MAD1L1: variants seen among roughly 807,000 people sequenced by gnomAD.
The protein encoded by MAD1L1 is mitotic arrest deficient 1 like 1, also known as mitotic spindle assembly checkpoint protein MAD1.
A neutral mutation model predicts 96.9 loss-of-function variants in MAD1L1; 95 were observed. The observed-to-expected ratio is 0.98, with a 90% CI of 0.83 to 1.16. The LOEUF (loss-of-function observed/expected upper bound fraction) is 1.16. Among genes scored for constraint, MAD1L1 ranks in the 50% most tolerant of loss-of-function variants. MAD1L1 has a pLI of 0.00. For missense variants in MAD1L1, 1,007 were observed against 954.4 expected, an observed-to-expected ratio of 1.06 and a Z score of -0.73; for synonymous variants, 473 against 396.6, an observed-to-expected ratio of 1.19 and a Z score of -2.29.
intron 12 of MAD1L1, among the ~76,000 whole-genome samples, chr7:2,030,522 C>A (rs886985533): frequency 6.6e-6 from 1 of 152,194 alleles, no homozygotes; most frequent in Non-Finnish European, 1.5e-5. Flanking sequence ...TACACGCGGG[C>A]CCCTGAACAG....
At chr7:2,120,953 C>T (rs1349710245) in intron 11 of MAD1L1, among the ~76,000 whole-genome samples, 1 of 152,120 alleles carries the variant, frequency 6.6e-6, no homozygotes, top group South Asian at 2.1e-4. Context: ...GCAGACCTGA[C>T]GTGGGGAGGC....
At chr7:2,066,813 G>C (rs140190473) in intron 12 of MAD1L1, among the ~76,000 whole-genome samples, 110 of 152,372 alleles carry the variant, frequency 7.2e-4, no homozygotes, top group African/African-American at 2.5e-3. Flanking sequence ...AGCAGCACCA[G>C]TGTCGCGTGG....
At chr7:2,160,329 A>T (rs112860666) in intron 10 of MAD1L1, among the ~76,000 whole-genome samples, 4,716 of 109,748 alleles carry the variant, frequency 0.043, 237 homozygotes, top group Middle Eastern at 0.1. Flanking sequence ...ACTGGATCCT[A>T]TTTTTTTTTT....
chr7:2,023,072 T>A (rs1267595416), intron 12 of MAD1L1, among the ~76,000 whole-genome samples: 3 of 152,164 alleles, frequency 2.0e-5, no homozygotes, highest in Non-Finnish European at 4.4e-5. Flanking sequence ...GAGAAATGGC[T>A]CAATTCACTG....
chr7:2,060,469 C>T (rs114525307), intron 12 of MAD1L1, among the ~76,000 whole-genome samples: 93 of 152,092 alleles, frequency 6.1e-4, no homozygotes, highest in African/African-American at 2.0e-3. Flanking sequence ...ACGCTGATGT[C>T]GAGATATGCC....
At chr7:1,931,466 C>A (rs1789473558) in intron 17 of MAD1L1, among the ~76,000 whole-genome samples, 1 of 152,376 alleles carries the variant, frequency 6.6e-6, no homozygotes, top group South Asian at 2.1e-4. Flanking sequence ...GAACAGCGGT[C>A]TCCACACTTC....
At chr7:1,976,045 G>A (rs1011628986) in intron 15 of MAD1L1, among the ~76,000 whole-genome samples, 6 of 152,210 alleles carry the variant, frequency 3.9e-5, no homozygotes, top group African/African-American at 7.2e-5. Context: ...AATCCCCACC[G>A]ACGCTCTCTC....
chr7:2,231,488 T>C (rs1212223699), intron 1 of MAD1L1, among the ~76,000 whole-genome samples: 1 of 151,908 alleles, frequency 6.6e-6, no homozygotes, highest in Non-Finnish European at 1.5e-5. Context: ...GCACCTGTAA[T>C]CCCAGCTACT....
chr7:2,205,025 G>A (rs1309021807), intron 10 of MAD1L1, among the ~76,000 whole-genome samples: 1 of 147,346 alleles, frequency 6.8e-6, no homozygotes, highest in Non-Finnish European at 1.5e-5. Flanking sequence ...AGAATTTTAA[G>A]TAACGAGAGA....
In MAD1L1 at chr7:2,088,539, C is replaced by T. The variant is rs114421852; in HGVS notation, c.1074-19201G>A. Among the ~76,000 whole-genome samples the T allele has an allele frequency of 3.3e-3, 497 of 152,346 alleles. 3 individuals are homozygous for T. The highest frequency in any genetic ancestry group is 0.011 in the African/African-American group (476 of 41,590). On this transcript the variant is annotated intron_variant, in intron 11 of 18. Transcript: ENST00000265854. This position sits in a 1 kb window ranked among gnomAD's most constrained non-coding sequence, Gnocchi z 4.4. ...TGACAGCTCTGGAGCTGCCACTGCA[C>T]GTGCACATCCATCTCCCTGGGAGGC...
chr7:1,834,576 A>C (rs1782856120), intron 18 of MAD1L1, among the ~76,000 whole-genome samples: 1 of 152,238 alleles, frequency 6.6e-6, no homozygotes, highest in Non-Finnish European at 1.5e-5. Context: ...TCACCACAAA[A>C]GAAAAAGACA....
At chr7:2,067,555 G>A (rs1022828892) in intron 12 of MAD1L1, among the ~76,000 whole-genome samples, 2 of 152,172 alleles carry the variant, frequency 1.3e-5, no homozygotes, top group African/African-American at 4.8e-5. Flanking sequence ...CTCCTCGGCG[G>A]CAGGGTCGGG....
chr7:1,998,902 G>A (rs1177722788), intron 14 of MAD1L1, among the ~76,000 whole-genome samples: 1 of 130,162 alleles, frequency 7.7e-6, no homozygotes, highest in Non-Finnish European at 1.6e-5. Flanking sequence ...ACTCACTGCT[G>A]GACACCAGAC....
chr7:1,903,204 C>G (rs549491244), intron 17 of MAD1L1, among the ~76,000 whole-genome samples: 1 of 149,718 alleles, frequency 6.7e-6, no homozygotes, highest in Non-Finnish European at 1.5e-5. Flanking sequence ...GACGCTCCTG[C>G]GGAACTCATG....
At chr7:2,111,403 G>A (rs1445797586) in intron 11 of MAD1L1, among the ~76,000 whole-genome samples, 1 of 152,232 alleles carries the variant, frequency 6.6e-6, no homozygotes, top group Non-Finnish European at 1.5e-5. Flanking sequence ...CTCTGCTCTA[G>A]TCAAGGAGCG....
At chr7:1,919,709 G>A (rs1212011282) in intron 17 of MAD1L1, among the ~76,000 whole-genome samples, 3 of 152,242 alleles carry the variant, frequency 2.0e-5, no homozygotes, top group Non-Finnish European at 4.4e-5. Flanking sequence ...TGAGCCACAT[G>A]TCAGAGCTGA....
intron 18 of MAD1L1, among the ~76,000 whole-genome samples, chr7:1,835,356 G>A (rs1465458764): frequency 6.6e-6 from 1 of 152,200 alleles, no homozygotes; most frequent in Non-Finnish European, 1.5e-5. Flanking sequence ...AGCATCCAGT[G>A]TGGGCAAGTG....
At chr7:2,037,499 A>G (rs1473068193) in intron 12 of MAD1L1, among the ~76,000 whole-genome samples, 2 of 152,164 alleles carry the variant, frequency 1.3e-5, no homozygotes, top group Admixed American at 1.3e-4. Context: ...GGTAATCCTC[A>G]TGGCGTTTCA....
intron 17 of MAD1L1, among the ~76,000 whole-genome samples, chr7:1,914,026 C>T (rs1035670869): frequency 1.3e-5 from 2 of 152,242 alleles, no homozygotes; most frequent in East Asian, 1.9e-4. Context: ...GGTCTCCCCC[C>T]CCAGCACGCC....
Sources: allele counts gnomAD v4.1 joint callset (sites outside exome capture counted in the v4.1 genomes callset), GRCh38; gene constraint gnomAD v4.1.1; non-coding constraint Gnocchi (gnomAD v3.1); transcripts MANE v1.5; gene names NCBI Gene and HGNC (gene_info 2026-07-23, HGNC 2026-07-21).